KIAA1217: variants seen among roughly 807,000 people sequenced by gnomAD.
KIAA1217 encodes the protein KIAA1217, also known as sickle tail protein homolog.
A neutral mutation model predicts 163.9 loss-of-function variants in KIAA1217; 88 were observed. That is an observed-to-expected ratio of 0.54 (90% CI 0.45 to 0.64). The LOEUF (loss-of-function observed/expected upper bound fraction) is 0.64. Among genes scored for constraint, KIAA1217 ranks in the 30% least tolerant of loss-of-function variants. KIAA1217 has a pLI of 0.00. For synonymous variants in KIAA1217, 903 were observed against 923.1 expected, an observed-to-expected ratio of 0.98 and a Z score of 0.39; for missense variants, 2,372 against 2,475.0, an observed-to-expected ratio of 0.96 and a Z score of 0.88.
At chr10:23,934,625 A>ATATTTTTTTTTTT (rs1554826424) in intron 1 of KIAA1217, among the ~76,000 whole-genome samples, 1 of 68,544 alleles carries the variant, frequency 1.5e-5, no homozygotes. Flanking sequence ...ATATATATAT[A>ATATTTTTTTTTTT]TTTTTTTTTT....
chr10:23,856,679 C>G (rs1434928372), intron 1 of KIAA1217, among the ~76,000 whole-genome samples: 1 of 152,264 alleles, frequency 6.6e-6, no homozygotes, highest in African/African-American at 2.4e-5. Flanking sequence ...CGAGCTTCCC[C>G]ACTGCTTTGT....
At chr10:23,944,083 C>T (rs557925676) in intron 1 of KIAA1217, among the ~76,000 whole-genome samples, 4 of 152,142 alleles carry the variant, frequency 2.6e-5, no homozygotes, top group Non-Finnish European at 5.9e-5. Flanking sequence ...ACAAATTGGA[C>T]TTTACCAAAA....
At chr10:24,013,667 T>C (rs1847346939) in intron 2 of KIAA1217, among the ~76,000 whole-genome samples, 1 of 152,168 alleles carries the variant, frequency 6.6e-6, no homozygotes, top group South Asian at 2.1e-4. Context: ...AATGTCCTGC[T>C]ATATTCAGGA....
chr10:23,981,251 A>G (rs1327711889), intron 1 of KIAA1217, among the ~76,000 whole-genome samples: 1 of 152,330 alleles, frequency 6.6e-6, no homozygotes, highest in Non-Finnish European at 1.5e-5. Context: ...ATTCATTTGA[A>G]ATTATAATAC....
At chr10:24,540,872 G>T (rs945520705) in intron 17 of KIAA1217, among the ~76,000 whole-genome samples, 1 of 152,002 alleles carries the variant, frequency 6.6e-6, no homozygotes, top group African/African-American at 2.4e-5. Flanking sequence ...AGGTTCAAGC[G>T]ATTCTCCTGC....
intron 2 of KIAA1217, among the ~76,000 whole-genome samples, chr10:24,101,738 T>C (rs1374263558): frequency 6.6e-6 from 1 of 152,232 alleles, no homozygotes; most frequent in Non-Finnish European, 1.5e-5. Context: ...TTTAGCCTAG[T>C]ATTTTCATTT....
At chr10:23,728,985 C>A (rs1406773598) in intron 1 of KIAA1217, among the ~76,000 whole-genome samples, 1 of 152,214 alleles carries the variant, frequency 6.6e-6, no homozygotes, top group Non-Finnish European at 1.5e-5. Flanking sequence ...ACCCGACTGA[C>A]CTTTTTACTG....
At chr10:24,336,145 G>C (rs2046331686) in intron 2 of KIAA1217, among the ~76,000 whole-genome samples, 1 of 152,172 alleles carries the variant, frequency 6.6e-6, no homozygotes, top group Admixed American at 6.5e-5. Context: ...AGGAGGGTGA[G>C]GCAGGAGAAT....
chr10:24,423,437 A>C (rs2058918911), intron 3 of KIAA1217, among the ~76,000 whole-genome samples: 1 of 151,446 alleles, frequency 6.6e-6, no homozygotes, highest in African/African-American at 2.4e-5. Flanking sequence ...GGCGCACACC[A>C]CCACGCCCAG....
chr10:24,251,880 A>T (rs77021411), intron 2 of KIAA1217, among the ~76,000 whole-genome samples: 2 of 99,752 alleles, frequency 2.0e-5, no homozygotes, highest in Non-Finnish European at 2.2e-5. Flanking sequence ...AAAAAAAAAA[A>T]GGGGCGGGGA....
intron 2 of KIAA1217, among the ~76,000 whole-genome samples, chr10:24,184,419 G>C (rs2066325352): frequency 6.6e-6 from 1 of 151,958 alleles, no homozygotes; most frequent in African/African-American, 2.4e-5. Context: ...ATCTTTTTTT[G>C]AAAGTATACC....
intron 1 of KIAA1217, among the ~76,000 whole-genome samples, chr10:24,004,767 GAA>G (rs1846916005): frequency 6.6e-6 from 1 of 152,220 alleles, no homozygotes; most frequent in Admixed American, 6.5e-5. Flanking sequence ...AAAGGGAAAA[GAA>G]GAGAGCAAAA....
At chr10:24,251,400 C>CAAAAAAAAAAAAAA (rs55668887) in intron 2 of KIAA1217, among the ~76,000 whole-genome samples, 2 of 90,534 alleles carry the variant, frequency 2.2e-5, no homozygotes, top group East Asian at 6.1e-4. Context: ...GACACTGTCT[C>CAAAAAAAAAAAAAA]AAAAAAAAAA....
chr10:23,903,398 T>C (rs1310313826), intron 1 of KIAA1217, among the ~76,000 whole-genome samples: 1 of 152,066 alleles, frequency 6.6e-6, no homozygotes, highest in Non-Finnish European at 1.5e-5. Flanking sequence ...GAAAAGCCCA[T>C]CATACCTATT....
At position 24,319,132 on chromosome 10, in the gene KIAA1217, C is replaced by G. The variant is rs774185844; in HGVS notation, c.355-61737C>G. ...GTGGCTCACGCCTGTAATCCCAACA[C>G]TTTGGGAGGCCGAGGCGGGCAGATC... On this transcript the variant is annotated intron_variant, in intron 2 of 20. Transcript: ENST00000376454. Among the ~76,000 whole-genome samples, 7 of 152,268 alleles carry G rather than the reference C, an allele frequency of 4.6e-5. No individual in the cohort carries two copies. In the Middle Eastern group the frequency reaches 0.017, roughly 370 times the overall value.
chr10:24,171,288 A>C (rs2065616191), intron 2 of KIAA1217, among the ~76,000 whole-genome samples: 1 of 152,236 alleles, frequency 6.6e-6, no homozygotes, highest in Non-Finnish European at 1.5e-5. Context: ...TAAGAAAAGC[A>C]ACAGGAAACA....
chr10:24,413,095 C>A (rs1404654807), intron 3 of KIAA1217, among the ~76,000 whole-genome samples: 2 of 152,204 alleles, frequency 1.3e-5, no homozygotes, highest in African/African-American at 4.8e-5. Flanking sequence ...CCATCTCTAT[C>A]TAACCCTGCA....
At chr10:23,944,473 A>G (rs1283296894) in intron 1 of KIAA1217, among the ~76,000 whole-genome samples, 2 of 152,154 alleles carry the variant, frequency 1.3e-5, no homozygotes, top group African/African-American at 2.4e-5. Context: ...GCTCTAAAAA[A>G]AAAAGCAACA....
At chr10:24,497,892 A>G (rs1269984893) in intron 8 of KIAA1217, among the ~76,000 whole-genome samples, 3 of 152,144 alleles carry the variant, frequency 2.0e-5, no homozygotes, top group Non-Finnish European at 4.4e-5. Context: ...TACACTACTC[A>G]GGTGATGGGT....
Sources: gnomAD v4.1 joint callset for allele counts (sites outside exome capture counted in the v4.1 genomes callset) on GRCh38, gnomAD v4.1.1 for gene constraint, MANE v1.5 for transcripts, NCBI Gene and HGNC (gene_info 2026-07-23, HGNC 2026-07-21) for gene names.